The following TRIOBP variants were observed in gnomAD, a reference collection of about 807,000 sequenced individuals.
TRIOBP encodes the protein TRIO and F-actin-binding protein.
A neutral mutation model predicts 238.8 loss-of-function variants in TRIOBP; 169 were observed. The observed-to-expected ratio is 0.71, with a 90% CI of 0.62 to 0.80. The LOEUF (loss-of-function observed/expected upper bound fraction) is 0.80. Ranked by LOEUF, TRIOBP falls within the 30% of genes least tolerant of loss-of-function variation. The pLI is 0.00. For missense variants in TRIOBP, 2,838 were observed against 3,122.6 expected, an observed-to-expected ratio of 0.91 and a Z score of 2.17; for synonymous variants, 1,150 against 1,274.4, an observed-to-expected ratio of 0.90 and a Z score of 2.08.
intron 7 of TRIOBP, among the ~76,000 whole-genome samples, chr22:37,730,553 T>C (rs913195704): frequency 1.3e-5 from 2 of 152,140 alleles, no homozygotes; most frequent in African/African-American, 4.8e-5. Context: ...GTCTGGGCTC[T>C]TGCTTCATCG....
At chr22:37,716,083 G>T in intron 6 of TRIOBP, 149 bp downstream of exon 6, 2 of 761,800 alleles carry the variant, frequency 2.6e-6, no homozygotes, top group Non-Finnish European at 4.4e-6. Context: ...TGATGGAGCA[G>T]CCACAATGAG....
intron 21 of TRIOBP, among the ~76,000 whole-genome samples, chr22:37,770,707 C>T (rs185573110): frequency 0.015 from 2,154 of 142,406 alleles, 57 homozygotes; most frequent in African/African-American, 0.053. Context: ...TTTTTTGAGA[C>T]GGAGTCACTC....
chr22:37,698,136 G>C, intron 2 of TRIOBP, among the ~76,000 whole-genome samples: 1 of 149,232 alleles, frequency 6.7e-6, no homozygotes, highest in African/African-American at 2.5e-5. Flanking sequence ...GGAGGCAGAG[G>C]TTGCAGTGAG....
chr22:37,702,122 CAAAAAA>C (rs1443712949), intron 3 of TRIOBP, among the ~76,000 whole-genome samples: 1 of 151,754 alleles, frequency 6.6e-6, no homozygotes, highest in Non-Finnish European at 1.5e-5. Flanking sequence ...CAAAACAAAA[CAAAAAA>C]GAGAAGAAAG....
chr22:37,757,263 C>T (rs981882369), intron 15 of TRIOBP, among the ~76,000 whole-genome samples: 11 of 151,992 alleles, frequency 7.2e-5, no homozygotes, highest in Non-Finnish European at 1.0e-4. Flanking sequence ...CTCCAGAGGC[C>T]GAGGCAGGAG....
chr22:37,732,560 C>T (rs1258383284), intron 7 of TRIOBP, among the ~76,000 whole-genome samples: 9 of 150,800 alleles, frequency 6.0e-5, no homozygotes, highest in Non-Finnish European at 1.2e-4. Context: ...ATGTTGGCCT[C>T]TCTGAAGTTG....
intron 12 of TRIOBP, among the ~76,000 whole-genome samples, chr22:37,754,440 A>G (rs2145865679): frequency 6.9e-6 from 1 of 144,970 alleles, no homozygotes; most frequent in Middle Eastern, 3.5e-3. Context: ...AAAAAAAGGC[A>G]GCAGATTGTG....
At chr22:37,753,783 A>G (rs1329131030) in intron 12 of TRIOBP, among the ~76,000 whole-genome samples, 1 of 152,190 alleles carries the variant, frequency 6.6e-6, no homozygotes, top group Non-Finnish European at 1.5e-5. Context: ...AGAGAAAACT[A>G]AGTACTTGAA....
chr22:37,752,280 T>G (rs756368795), intron 12 of TRIOBP, among the ~76,000 whole-genome samples: 7 of 152,174 alleles, frequency 4.6e-5, no homozygotes, highest in Non-Finnish European at 8.8e-5. Flanking sequence ...GCCACGTCTG[T>G]GACATGGGCA....
At chr22:37,749,235 A>C (rs989361198) in intron 11 of TRIOBP, among the ~76,000 whole-genome samples, 1 of 152,132 alleles carries the variant, frequency 6.6e-6, no homozygotes, top group African/African-American at 2.4e-5. Flanking sequence ...GGTGCTTGTA[A>C]TCTCAGGTAT....
rs773426148 is a variant in TRIOBP, at chr22:37,754,896, C to T, written c.5399C>T (p.Thr1800Ile). ...TTGCAGCCTCCCTCCCCCTCGCTCA[C>T]CACCACCTCTACTTCGCAGTGGAAG... ...EPGEPPSPSL[T>I]TTSTSQWKKH... is the part of the protein sequence containing the mutation. Residue 1800 changes from threonine (T) to isoleucine (I), a missense_variant, in exon 13 of 24, where the codon ACC becomes ATC. Around this residue, in one of 5 missense-constraint regions of TRIOBP, gnomAD observed 2,096 missense variants for 2,137.4 expected, o/e 0.98. Transcript: ENST00000644935. 19 of 1,614,052 alleles carry T rather than the reference C, an allele frequency of 1.2e-5. No homozygotes were observed. The highest frequency in any genetic ancestry group is 1.7e-5 in the Admixed American group (1 of 60,006).
In TRIOBP at chr22:37,755,160, G is replaced by A. The variant is rs781604200; in HGVS notation, c.5547G>A (p.Ala1849=). 1.1e-5 allele frequency: 17 copies of A among 1,613,234 alleles called. No homozygotes were observed. The highest frequency in any genetic ancestry group is 2.2e-5 in the South Asian group (2 of 90,940). The change falls in exon 14 of 24, where the codon GCG becomes GCA. Residue 1849 remains alanine, a synonymous_variant. Coordinates refer to ENST00000644935, the MANE Select transcript of TRIOBP (RefSeq NM_001039141.3). ...LRSCTDVTEY[A]VQRNYGFQIH... ...CCTGCACGGATGTCACTGAGTACGC[G>A]GTGCAGCGCAACTATGGCTTCCAGA...
At chr22:37,709,848 C>T (rs552811680) in intron 3 of TRIOBP, among the ~76,000 whole-genome samples, 9 of 152,316 alleles carry the variant, frequency 5.9e-5, no homozygotes, top group Non-Finnish European at 1.0e-4. Context: ...GATCCCCTGC[C>T]TCTCCTTTAG....
At chr22:37,698,922 C>G (rs1037280473) in intron 2 of TRIOBP, among the ~76,000 whole-genome samples, 1 of 151,938 alleles carries the variant, frequency 6.6e-6, no homozygotes, top group Non-Finnish European at 1.5e-5. Flanking sequence ...CCGAAGGGGG[C>G]GGATCACCTG....
intron 11 of TRIOBP, among the ~76,000 whole-genome samples, chr22:37,743,827 G>A (rs1925067718): frequency 7.8e-6 from 1 of 127,562 alleles, no homozygotes; most frequent in Non-Finnish European, 1.6e-5. Context: ...GTGTGTGTGT[G>A]TGTGTGTGTG....
chr22:37,761,677 TTTG>T (rs1926249830), intron 17 of TRIOBP, among the ~76,000 whole-genome samples: 1 of 152,008 alleles, frequency 6.6e-6, no homozygotes, highest in African/African-American at 2.4e-5. Context: ...CAGAGGGGCC[TTTG>T]GGGGCCCTGA....
intron 9 of TRIOBP, among the ~76,000 whole-genome samples, chr22:37,737,123 A>G (rs1387894358): frequency 2.0e-5 from 3 of 152,210 alleles, no homozygotes; most frequent in African/African-American, 7.2e-5. Flanking sequence ...GAAGGCACAC[A>G]GACAGCTCAA....
chr22:37,770,281 CA>C lies in TRIOBP; in HGVS notation c.6849+913del, dbSNP rs532996456. 3.1e-3 allele frequency among the ~76,000 whole-genome samples: 463 copies of C among 149,632 alleles called. 1 individual carries two copies. The highest frequency in any genetic ancestry group is 0.014 in the Middle Eastern group (4 of 294). ...TGAAACCCCGTCTCTACTAAAAATA[CA>C]AAAAAATTACCCGGGCGTGGTGGCG... On this transcript the variant is annotated intron_variant, in intron 21 of 23. Coordinates refer to ENST00000644935, the MANE Select transcript of TRIOBP (RefSeq NM_001039141.3).
In TRIOBP at chr22:37,725,645, C is replaced by G. The variant is rs193043234; in HGVS notation, c.3089C>G (p.Pro1030Arg). The change falls in exon 7 of 24, where the codon CCT (proline) becomes CGT (arginine). Residue 1030 changes from proline to arginine, a missense_variant. By Grantham distance (103) the Pro-to-Arg change is moderately radical. Coordinates refer to ENST00000644935, the MANE Select transcript of TRIOBP (RefSeq NM_001039141.3). The stretch of plus-strand genomic sequence containing the variant: ...GATGCCCCTCGAGCCTCTTCGCCCC[C>G]TCGCTATTTGCAGCACGACCCCTTC... ...HRDAPRASSP[P>R]RYLQHDPFPF... 20,685 of 1,613,872 alleles carry G rather than the reference C, an allele frequency of 0.013. 156 individuals are homozygous for G. The highest frequency in any genetic ancestry group is 0.016 in the Non-Finnish European group (18,580 of 1,179,962).
Sources: allele counts gnomAD v4.1 joint callset (sites outside exome capture counted in the v4.1 genomes callset), GRCh38; gene constraint gnomAD v4.1.1; regional missense constraint gnomAD v4.1.1; transcripts MANE v1.5; gene names NCBI Gene and HGNC (gene_info 2026-07-23, HGNC 2026-07-21).